FAM78B: variants seen among roughly 807,000 people sequenced by gnomAD.
The protein encoded by FAM78B is protein FAM78B.
A neutral mutation model predicts 20.0 loss-of-function variants in FAM78B; 10 were observed. The observed-to-expected ratio is 0.50, with a 90% confidence interval of 0.31 to 0.85. The LOEUF (loss-of-function observed/expected upper bound fraction) is 0.85. Among genes scored for constraint, FAM78B ranks in the 40% least tolerant of loss-of-function variants. The probability of loss-of-function intolerance (pLI) is 0.05; values close to 1 mark genes in which losing one functional copy is unlikely to be tolerated. For synonymous variants in FAM78B, 135 were observed against 132.8 expected (o/e 1.02, Z -0.12); for missense variants, 283 against 345.0 (o/e 0.82, Z 1.42).
intron 1 of FAM78B, among the ~76,000 whole-genome samples, chr1:166,155,890 C>A (rs1269393220): frequency 1.3e-5 from 2 of 152,154 alleles, no homozygotes; most frequent in African/African-American, 2.4e-5. Context: ...AGCCTGAGCC[C>A]CCATGCAGAG....
intron 1 of FAM78B, among the ~76,000 whole-genome samples, chr1:166,143,477 C>A (rs901958795): frequency 2.6e-5 from 4 of 152,042 alleles, no homozygotes; most frequent in Admixed American, 1.3e-4. Flanking sequence ...AAGGTCAGGC[C>A]AACAGAGGCT....
At chr1:166,148,754 C>T (rs950070014) in intron 1 of FAM78B, among the ~76,000 whole-genome samples, 1 of 152,256 alleles carries the variant, frequency 6.6e-6, no homozygotes, top group Admixed American at 6.5e-5. Context: ...ATCCTTTTCT[C>T]CCAATGCAGT....
chr1:166,139,481 C>T lies in FAM78B; in HGVS notation c.263+26505G>A, dbSNP rs369594107. 2.3e-3 allele frequency among the ~76,000 whole-genome samples: 354 copies of T among 151,992 alleles called. 11 individuals are homozygous for T. Among genetic ancestry groups the T allele is most frequent in the East Asian group, 2.7e-3 (14 of 5,166 alleles). On this transcript the variant is annotated intron_variant, in intron 1 of 1. Coordinates refer to ENST00000354422, the MANE Select transcript of FAM78B (RefSeq NM_001017961.5). ...ATACTTACAGTCTAGTGGAGACACC[C>T]GAGACAATAATTAAAATTCTATAAA... is the stretch of plus-strand genomic sequence containing the variant.
chr1:166,162,980 G>T (rs901720958), intron 1 of FAM78B, among the ~76,000 whole-genome samples: 2 of 152,108 alleles, frequency 1.3e-5, no homozygotes, highest in Admixed American at 6.6e-5. Context: ...GCCCGCCAGC[G>T]CTCTCAGGCA....
chr1:166,084,484 C>T (rs1320412728), intron 1 of FAM78B, among the ~76,000 whole-genome samples: 1 of 152,146 alleles, frequency 6.6e-6, no homozygotes, highest in Non-Finnish European at 1.5e-5. Context: ...TGACCAAAGA[C>T]CTCAGTCCTT....
At chr1:166,072,790 C>A (rs575167784) in intron 1 of FAM78B, among the ~76,000 whole-genome samples, 1 of 152,342 alleles carries the variant, frequency 6.6e-6, no homozygotes, top group Admixed American at 6.5e-5. Context: ...TGCTCTCCCC[C>A]GCTACACACA....
chr1:166,144,301 G>A (rs1655382863), intron 1 of FAM78B, among the ~76,000 whole-genome samples: 1 of 151,570 alleles, frequency 6.6e-6, no homozygotes, highest in Admixed American at 6.7e-5. Flanking sequence ...GTGGGGGGGT[G>A]GTCTAGAAAT....
In FAM78B at chr1:166,079,902, C is replaced by T. The variant is rs1246714652; in HGVS notation, c.264-9139G>A. Among the ~76,000 whole-genome samples the T allele has an allele frequency of 2.0e-5, 3 of 152,192 alleles. No homozygotes were observed. In the East Asian group the frequency reaches 5.8e-4, roughly 29 times the overall value. ...AGATGCACAGTTCTGGAACCCAGGA[C>T]AGTTCCAACCTGGAATGTTTTCCTT... On this transcript the variant is annotated intron_variant, in intron 1 of 1. Transcript: ENST00000354422.
intron 1 of FAM78B, among the ~76,000 whole-genome samples, chr1:166,152,472 G>A (rs1238236636): frequency 6.6e-6 from 1 of 152,022 alleles, no homozygotes; most frequent in African/African-American, 2.4e-5. Flanking sequence ...TTGATATCCA[G>A]GCCTTTAAGA....
chr1:166,145,356 C>T (rs1473790066), intron 1 of FAM78B, among the ~76,000 whole-genome samples: 6 of 152,242 alleles, frequency 3.9e-5, no homozygotes, highest in African/African-American at 1.4e-4. Context: ...ACCTGTCTCA[C>T]TTCCCTGCCT....
At chr1:166,102,774 C>G in intron 1 of FAM78B, among the ~76,000 whole-genome samples, 1 of 152,112 alleles carries the variant, frequency 6.6e-6, no homozygotes. Flanking sequence ...CATTAACATC[C>G]CACTGTCAAC....
rs568964964 is a variant in FAM78B, at chr1:166,075,573, G to A, written c.264-4810C>T. Among the ~76,000 whole-genome samples, 14 of 152,266 alleles carry A rather than the reference G, an allele frequency of 9.2e-5. No individual in the cohort carries two copies. In the South Asian group the frequency reaches 1.2e-3, roughly 14 times the overall value. On this transcript the variant is annotated intron_variant, in intron 1 of 1. Coordinates refer to ENST00000354422, the MANE Select transcript of FAM78B (RefSeq NM_001017961.5). ...TAGAGCATGAGGATGATGAGGACGG[G>A]GTTGTGTTTGTCTTTGCATCCTTTG...
intron 2 of FAM78B, among the ~76,000 whole-genome samples, chr1:166,062,236 C>G (rs997988395): frequency 6.6e-6 from 1 of 152,120 alleles, no homozygotes; most frequent in Non-Finnish European, 1.5e-5. Context: ...ATCAGACCAC[C>G]ATCAAGCCAA....
intron 1 of FAM78B, among the ~76,000 whole-genome samples, chr1:166,103,757 C>T (rs1399038754): frequency 1.3e-5 from 2 of 152,142 alleles, no homozygotes; most frequent in Non-Finnish European, 1.5e-5. Context: ...GATTCACAGC[C>T]GAATTCCACC....
At chr1:166,079,230 G>A (rs1479328064) in intron 1 of FAM78B, among the ~76,000 whole-genome samples, 1 of 152,158 alleles carries the variant, frequency 6.6e-6, no homozygotes, top group Non-Finnish European at 1.5e-5. Context: ...ACTGTGTCTG[G>A]CTGGCCTTAC....
exon 3 of FAM78B, chr1:166,057,774 C>T (rs1232686457): frequency 1.3e-5 from 2 of 152,070 alleles, no homozygotes; most frequent in African/African-American, 2.4e-5. Context: ...GGTAAGGAGA[C>T]AGCAGAGAGG....
chr1:166,131,204 C>A (rs530473067), intron 1 of FAM78B, among the ~76,000 whole-genome samples: 136 of 152,138 alleles, frequency 8.9e-4, no homozygotes, highest in Admixed American at 1.8e-3. Flanking sequence ...GTTGGCCAGG[C>A]TGGTCTGGAA....
chr1:166,103,730 A>T lies in FAM78B; in HGVS notation c.264-32967T>A, dbSNP rs1211344722. Among the ~76,000 whole-genome samples the T allele has an allele frequency of 2.6e-5, 4 of 152,302 alleles. No homozygotes were observed. The East Asian group carries it at 7.7e-4, about 29-fold the overall frequency. ...TAATTAATAGCTTACAAACCAAAAA[A>T]AGTCCAGGTCCAGATAGATTCACAG... On this transcript the variant is annotated intron_variant, in intron 1 of 1. Transcript: ENST00000354422.
downstream of FAM78B, chr1:166,057,363 T>G (rs1651389977): frequency 6.6e-6 from 1 of 152,214 alleles, no homozygotes; most frequent in African/African-American, 2.4e-5. Flanking sequence ...CCTGGGGCCA[T>G]CCCCAGGTTT....
Sources: gnomAD v4.1 joint callset for allele counts (sites outside exome capture counted in the v4.1 genomes callset) on GRCh38, gnomAD v4.1.1 for gene constraint, MANE v1.5 for transcripts, NCBI Gene and HGNC (gene_info 2026-07-23, HGNC 2026-07-21) for gene names.